The following UBE3D variants were observed in gnomAD, a reference collection of about 807,000 sequenced individuals.
The protein encoded by UBE3D is ubiquitin protein ligase E3D.
A neutral mutation model predicts 49.6 loss-of-function variants in UBE3D; 48 were observed. The ratio of observed to expected loss-of-function variants is 0.97; its 90% confidence interval spans 0.77 to 1.23. UBE3D has a LOEUF of 1.23. Among genes scored for constraint, UBE3D ranks in the 50% most tolerant of loss-of-function variants. UBE3D has a pLI of 0.00. For synonymous variants in UBE3D, 189 were observed against 174.2 expected, an observed-to-expected ratio of 1.08 and a Z score of -0.67; for missense variants, 452 against 468.4, an observed-to-expected ratio of 0.96 and a Z score of 0.32.
intron 9 of UBE3D, among the ~76,000 whole-genome samples, chr6:82,918,895 G>A (rs746979573): frequency 4.6e-5 from 7 of 152,060 alleles, no homozygotes; most frequent in African/African-American, 9.6e-5. Context: ...ATAAGCCCCC[G>A]ATTTTAATTG....
At chr6:82,974,713 G>A (rs1777593916) in intron 8 of UBE3D, among the ~76,000 whole-genome samples, 1 of 151,470 alleles carries the variant, frequency 6.6e-6, no homozygotes, top group Non-Finnish European at 1.5e-5. Context: ...TTCTAGAAAC[G>A]TTGTAAAGTA....
At chr6:82,975,119 C>T (rs1291986419) in intron 8 of UBE3D, among the ~76,000 whole-genome samples, 1 of 152,020 alleles carries the variant, frequency 6.6e-6, no homozygotes, top group African/African-American at 2.4e-5. Context: ...GTGAAAGCAG[C>T]AAAATTATAC....
intron 8 of UBE3D, among the ~76,000 whole-genome samples, chr6:82,978,762 C>A (rs891550999): frequency 6.6e-6 from 1 of 152,160 alleles, no homozygotes; most frequent in Non-Finnish European, 1.5e-5. Context: ...ATACACACAA[C>A]GCACCCATCC....
intron 1 of UBE3D, 121 bp downstream of exon 1, chr6:83,065,521 G>T (rs926895939): frequency 2.2e-6 from 2 of 892,140 alleles, no homozygotes; most frequent in Non-Finnish European, 3.4e-6. Flanking sequence ...TGATCGAGAG[G>T]CTCTACGCAA....
chr6:83,042,869 G>C (rs1782768122), intron 4 of UBE3D, among the ~76,000 whole-genome samples: 1 of 152,224 alleles, frequency 6.6e-6, no homozygotes, highest in South Asian at 2.1e-4. Flanking sequence ...CAGGAGCCTT[G>C]AGAGCGCTGT....
At chr6:82,950,756 G>A (rs1014216101) in intron 9 of UBE3D, among the ~76,000 whole-genome samples, 2 of 152,132 alleles carry the variant, frequency 1.3e-5, no homozygotes, top group East Asian at 3.9e-4. Context: ...TACACACAAT[G>A]GAATACTTGT....
intron 9 of UBE3D, among the ~76,000 whole-genome samples, chr6:82,895,435 G>GT (rs1771248831): frequency 1.3e-5 from 2 of 152,234 alleles, no homozygotes; most frequent in South Asian, 4.1e-4. Flanking sequence ...GGTTGTCAAC[G>GT]TAACTGGGAG....
intron 9 of UBE3D, among the ~76,000 whole-genome samples, chr6:82,926,654 T>C (rs1168642395): frequency 1.3e-5 from 2 of 152,136 alleles, no homozygotes; most frequent in Non-Finnish European, 2.9e-5. Flanking sequence ...TTTCTCACTG[T>C]TGTTTTAATT....
intron 8 of UBE3D, among the ~76,000 whole-genome samples, chr6:82,958,788 A>G (rs754203638): frequency 6.6e-6 from 1 of 152,196 alleles, no homozygotes; most frequent in Non-Finnish European, 1.5e-5. Flanking sequence ...AAAAGTCTAC[A>G]AATTTTATTA....
intron 9 of UBE3D, among the ~76,000 whole-genome samples, chr6:82,928,346 A>G (rs1249063483): frequency 6.6e-6 from 1 of 152,118 alleles, no homozygotes; most frequent in Non-Finnish European, 1.5e-5. Context: ...TGAGAACATT[A>G]TTAATGTTGT....
rs1051263508 is a variant in UBE3D, at chr6:82,979,090, G to A, written c.1011-21640C>T. ...ATATTCAAAACGTTAGGCAATGATTGCTAGCAGAACAGAATCTTATGTTCA... is the reference window on the plus strand; with the variant it reads ...ATATTCAAAACGTTAGGCAATGATTACTAGCAGAACAGAATCTTATGTTCA... On this transcript the variant is annotated intron_variant, in intron 8 of 9. Coordinates refer to ENST00000369747, the MANE Select transcript of UBE3D (RefSeq NM_198920.3). 2.6e-5 allele frequency among the ~76,000 whole-genome samples: 4 copies of A among 152,248 alleles called. No homozygotes were observed. In the East Asian group the frequency reaches 7.7e-4, roughly 29 times the overall value.
intron 8 of UBE3D, among the ~76,000 whole-genome samples, chr6:82,978,711 A>T (rs1777902528): frequency 6.6e-6 from 1 of 152,244 alleles, no homozygotes; most frequent in Non-Finnish European, 1.5e-5. Context: ...ACCAAATGAA[A>T]GACACTGTTC....
At chr6:82,946,212 T>C (rs903497492) in intron 9 of UBE3D, among the ~76,000 whole-genome samples, 1 of 151,900 alleles carries the variant, frequency 6.6e-6, no homozygotes, top group African/African-American at 2.4e-5. Flanking sequence ...CATTTAATAA[T>C]CAAACTTCCA....
chr6:83,053,022 G>A (rs193222853), intron 3 of UBE3D, among the ~76,000 whole-genome samples: 2 of 152,322 alleles, frequency 1.3e-5, no homozygotes, highest in East Asian at 3.9e-4. Flanking sequence ...CTGATATGGG[G>A]GGAACCCCTT....
chr6:83,035,664 G>A (rs1172932502), intron 5 of UBE3D, among the ~76,000 whole-genome samples: 2 of 152,108 alleles, frequency 1.3e-5, no homozygotes, highest in African/African-American at 4.8e-5. Flanking sequence ...ATTCACTGTT[G>A]TGGCCTGAAG....
chr6:82,949,899 A>G (rs1369645203), intron 9 of UBE3D, among the ~76,000 whole-genome samples: 1 of 151,936 alleles, frequency 6.6e-6, no homozygotes, highest in Admixed American at 6.6e-5. Context: ...AATACCTCAA[A>G]CTACAAAATT....
At chr6:82,896,486 T>C (rs922704652) in intron 9 of UBE3D, among the ~76,000 whole-genome samples, 1 of 152,158 alleles carries the variant, frequency 6.6e-6, no homozygotes, top group Non-Finnish European at 1.5e-5. Context: ...TAGTGACACT[T>C]GGAAATGGAG....
At chr6:82,896,440 C>T (rs1392552381) in intron 9 of UBE3D, among the ~76,000 whole-genome samples, 9 of 151,968 alleles carry the variant, frequency 5.9e-5, no homozygotes, top group African/African-American at 1.9e-4. Flanking sequence ...CCTTTCCTCT[C>T]GGTTATAAGA....
At chr6:82,944,414 A>T (rs574232688) in intron 9 of UBE3D, among the ~76,000 whole-genome samples, 12 of 152,266 alleles carry the variant, frequency 7.9e-5, no homozygotes, top group Non-Finnish European at 7.4e-5. Flanking sequence ...AAAGCCTATC[A>T]TCTGATGACT....
Sources: allele counts gnomAD v4.1 joint callset (sites outside exome capture counted in the v4.1 genomes callset), GRCh38; gene constraint gnomAD v4.1.1; transcripts MANE v1.5; gene names NCBI Gene and HGNC (gene_info 2026-07-23, HGNC 2026-07-21).